Variants in ANAPC4 observed in about 807,000 individuals in gnomAD.
ANAPC4 encodes anaphase-promoting complex subunit 4.
A neutral mutation model predicts 119.8 loss-of-function variants in ANAPC4; 63 were observed. That is an observed-to-expected ratio of 0.53 (90% CI 0.43 to 0.65). The LOEUF (loss-of-function observed/expected upper bound fraction) is 0.65, where lower values mean the gene tolerates loss of function less well. Ranked by LOEUF, ANAPC4 falls within the 30% of genes least tolerant of loss-of-function variation. ANAPC4 has a pLI of 0.00. For missense variants in ANAPC4, 716 were observed against 945.1 expected (o/e 0.76, Z 3.18); for synonymous variants, 283 against 318.6 (o/e 0.89, Z 1.19).
chr4:25,386,673 G>A (rs1490177680), intron 4 of ANAPC4, among the ~76,000 whole-genome samples: 1 of 152,190 alleles, frequency 6.6e-6, no homozygotes, highest in African/African-American at 2.4e-5. Context: ...TACAACGTGA[G>A]CACATGGCTG....
Position 25,417,688 on chromosome 4 carries a change from T to C in ANAPC4, c.2148T>C (p.Ser716=), listed in dbSNP as rs1246873739. 2 of 1,613,692 alleles carry C rather than the reference T, an allele frequency of 1.2e-6. No homozygotes were observed. Among genetic ancestry groups the C allele is most frequent in the Non-Finnish European group, 1.7e-6 (2 of 1,179,790 alleles). The change falls in exon 28 of 29, where the codon AGT becomes AGC. Residue 716 remains serine (S), a synonymous_variant. Coordinates refer to ENST00000315368, the MANE Select transcript of ANAPC4 (RefSeq NM_013367.3). ...AGAAGCACTGGAGATTACTGGAAAG[T>C]ATGAAAGCACAGTATGTTGCTGGGA... ...HFEKHWRLLE[S]MKAQYVAGNG...
chr4:25,389,562 G>C (rs1722226813), intron 7 of ANAPC4, among the ~76,000 whole-genome samples: 2 of 152,136 alleles, frequency 1.3e-5, no homozygotes, highest in Admixed American at 6.5e-5. Flanking sequence ...CAAAGTGTTG[G>C]GATTACAGGC....
intron 22 of ANAPC4, 29 bp downstream of exon 22, chr4:25,413,771 T>G: frequency 6.5e-7 from 1 of 1,530,284 alleles, no homozygotes; most frequent in Non-Finnish European, 9.0e-7. Flanking sequence ...CATGTCTTTG[T>G]GTAGGAGCAA....
intron 4 of ANAPC4, among the ~76,000 whole-genome samples, chr4:25,387,431 A>G (rs144486720): frequency 6.6e-6 from 1 of 152,338 alleles, no homozygotes; most frequent in Non-Finnish European, 1.5e-5. Context: ...TGGGGTTTGA[A>G]ATTCACTGTA....
intron 21 of ANAPC4, among the ~76,000 whole-genome samples, chr4:25,411,715 G>T (rs1053497679): frequency 2.6e-5 from 4 of 152,136 alleles, no homozygotes; most frequent in Non-Finnish European, 5.9e-5. Flanking sequence ...AACTGGTGTG[G>T]AGATTAAATA....
chr4:25,406,693 C>A, intron 18 of ANAPC4, 136 bp from the exon 19 acceptor site: 3 of 658,376 alleles, frequency 4.6e-6, no homozygotes. Flanking sequence ...ATCTATATTT[C>A]TTTGAAAGAA....
In ANAPC4 at chr4:25,418,461, G is replaced by A. The variant is rs1724005021; in HGVS notation, c.*79G>A. On this transcript the variant is annotated 3_prime_UTR_variant, in exon 29 of 29. Transcript: ENST00000315368. The stretch of plus-strand genomic sequence containing the variant: ...GACTAAGATGTCTTGGACCACCTTT[G>A]TGTAACAAAGAAATAAACAGTAAAT... The A allele has an allele frequency of 2.5e-6, 3 of 1,180,392 alleles. No homozygotes were observed. The highest frequency in any genetic ancestry group is 2.4e-6 in the Non-Finnish European group (2 of 822,988). The allele number at this position is 1,180,392 out of a possible 1,614,324, so 73.1% of individuals were successfully genotyped here.
intron 16 of ANAPC4, among the ~76,000 whole-genome samples, chr4:25,399,049 G>A (rs919314257): frequency 4.0e-5 from 6 of 151,542 alleles, no homozygotes; most frequent in African/African-American, 1.5e-4. Flanking sequence ...AACTCTGCTA[G>A]TACTCCTTTA....
chr4:25,383,217 C>T (rs1200534090), intron 3 of ANAPC4, 44 bp from the exon 4 acceptor site: 1 of 1,505,838 alleles, frequency 6.6e-7, no homozygotes, highest in Non-Finnish European at 8.9e-7. Context: ...TTATTTTTCT[C>T]AATTGTTACA....
intron 7 of ANAPC4, among the ~76,000 whole-genome samples, chr4:25,389,583 G>A (rs913301722): frequency 1.7e-4 from 26 of 152,296 alleles, no homozygotes; most frequent in East Asian, 3.9e-4. Context: ...ATGAGCCACC[G>A]CACCTGGCCT....
rs572418136 is a variant in ANAPC4, at chr4:25,403,113, A to T, written c.1270+87A>T. ...CTTAGACTGTTTCAATAAATCTAGT[A>T]CAATTTCAAATACTTTGAGAGAACT... On this transcript the variant is annotated intron_variant, in intron 17 of 28. Transcript: ENST00000315368. 52 of 1,021,340 alleles carry T rather than the reference A, an allele frequency of 5.1e-5. No individual in the cohort carries two copies. The African/African-American group carries it at 6.3e-4, about 12-fold the overall frequency. 63.3% of individuals were successfully genotyped at this position (1,021,340 alleles called of 1,614,324 possible).
At chr4:25,406,745 G>T in intron 18 of ANAPC4, 84 bp from the exon 19 acceptor site, 5 of 1,040,140 alleles carry the variant, frequency 4.8e-6, no homozygotes, top group African/African-American at 1.6e-5. Flanking sequence ...TAGTAAAAAT[G>T]TCACATTTAT....
intron 16 of ANAPC4, among the ~76,000 whole-genome samples, chr4:25,399,500 T>A (rs1452604809): frequency 2.0e-5 from 3 of 152,198 alleles, no homozygotes; most frequent in African/African-American, 7.2e-5. Flanking sequence ...TGATTTTTTT[T>A]AATGATTATA....
chr4:25,398,474 G>A (rs1722776153), intron 16 of ANAPC4, among the ~76,000 whole-genome samples: 1 of 152,140 alleles, frequency 6.6e-6, no homozygotes, highest in African/African-American at 2.4e-5. Context: ...CTGGCATGTT[G>A]CAGGGACAAG....
At chr4:25,394,020 C>A in intron 11 of ANAPC4, 129 bp downstream of exon 11, 1 of 800,046 alleles carries the variant, frequency 1.2e-6, no homozygotes, top group Non-Finnish European at 1.9e-6. Context: ...CAAATGGCTT[C>A]GTCTGACTTC....
intron 21 of ANAPC4, among the ~76,000 whole-genome samples, chr4:25,411,341 G>C (rs1042297655): frequency 2.0e-5 from 3 of 152,118 alleles, no homozygotes; most frequent in Non-Finnish European, 1.5e-5. Flanking sequence ...CTAAAAATAG[G>C]TCCTGTCCTC....
At position 25,417,699 on chromosome 4, in the gene ANAPC4, A is replaced by G. The variant is rs1196744690; in HGVS notation, c.2159A>G (p.Gln720Arg). 12 of 1,613,578 alleles carry G rather than the reference A, an allele frequency of 7.4e-6. No homozygotes were observed. Among genetic ancestry groups the G allele is most frequent in the Admixed American group, 1.7e-5 (1 of 59,866 alleles). ...HWRLLESMKAQYVAGNGFRKV... is the reference protein window; with the variant it reads ...HWRLLESMKARYVAGNGFRKV... Reference sequence around the variant, plus strand: ...AGATTACTGGAAAGTATGAAAGCACAGTATGTTGCTGGGAATGGTTTTCGA... The same window carrying G: ...AGATTACTGGAAAGTATGAAAGCACGGTATGTTGCTGGGAATGGTTTTCGA... The change falls in exon 28 of 29, where the codon CAG becomes CGG. Residue 720 changes from glutamine to arginine, a missense_variant. This residue lies in a region of ANAPC4 where 504 missense variants were observed against 615.8 expected (regional missense o/e 0.82). Transcript: ENST00000315368.
At chr4:25,406,541 G>T (rs1351935333) in intron 18 of ANAPC4, among the ~76,000 whole-genome samples, 1 of 152,162 alleles carries the variant, frequency 6.6e-6, no homozygotes, top group Non-Finnish European at 1.5e-5. Context: ...AGCACATGTG[G>T]TCTTAGCACA....
chr4:25,387,779 A>C lies in ANAPC4; in HGVS notation c.369-721A>C, dbSNP rs79831950. 6.1e-3 allele frequency among the ~76,000 whole-genome samples: 931 copies of C among 152,344 alleles called. 6 individuals carry two copies. Among genetic ancestry groups the C allele is most frequent in the African/African-American group, 0.019 (790 of 41,570 alleles). On this transcript the variant is annotated intron_variant, in intron 4 of 28. Transcript: ENST00000315368. ...AAGACTATTTCAAAAGGCATGGTGTAGTCTCAAATACCTGTTGGATTATCA... is the reference window on the plus strand; with the variant it reads ...AAGACTATTTCAAAAGGCATGGTGTCGTCTCAAATACCTGTTGGATTATCA...
Sources: gnomAD v4.1 joint callset for allele counts (sites outside exome capture counted in the v4.1 genomes callset) on GRCh38, gnomAD v4.1.1 for gene constraint, gnomAD v4.1.1 regional missense constraint, MANE v1.5 for transcripts, NCBI Gene and HGNC (gene_info 2026-07-23, HGNC 2026-07-21) for gene names.